The following FAS variants were observed in gnomAD, a reference collection of about 807,000 sequenced individuals.
FAS encodes tumor necrosis factor receptor superfamily member 6.
Under a neutral mutation model 33.2 loss-of-function variants are expected in FAS, and 5 were observed. The ratio of observed to expected loss-of-function variants is 0.15; its 90% CI spans 0.08 to 0.32. FAS has a LOEUF of 0.32. Among genes scored for constraint, FAS ranks in the 10% least tolerant of loss-of-function variants. The pLI is 1.00. For missense variants in FAS, 339 were observed against 386.0 expected, an observed-to-expected ratio of 0.88 and a Z score of 1.02; for synonymous variants, 131 against 130.7, an observed-to-expected ratio of 1.00 and a Z score of -0.01.
chr10:89,006,245 G>C (rs1387414275), intron 2 of FAS, among the ~76,000 whole-genome samples: 1 of 152,024 alleles, frequency 6.6e-6, no homozygotes, highest in African/African-American at 2.4e-5. Flanking sequence ...TTGGACTTGG[G>C]TTCTGTTTTC....
chr10:88,970,195 C>A (rs1003625424), intron 1 of FAS, among the ~76,000 whole-genome samples: 1 of 152,170 alleles, frequency 6.6e-6, no homozygotes, highest in African/African-American at 2.4e-5. Flanking sequence ...CCAACTTTTT[C>A]TCTACTCATA....
intron 1 of FAS, among the ~76,000 whole-genome samples, chr10:88,995,251 C>T (rs1036935325): frequency 4.6e-5 from 7 of 152,210 alleles, no homozygotes; most frequent in African/African-American, 1.2e-4. Flanking sequence ...AACAAATCTT[C>T]AGTCCACTTG....
intron 1 of FAS, among the ~76,000 whole-genome samples, chr10:88,991,851 G>A (rs1847247914): frequency 6.6e-6 from 1 of 152,156 alleles, no homozygotes; most frequent in Non-Finnish European, 1.5e-5. Flanking sequence ...GCTTGCAGAT[G>A]GCTAATCAAA....
chr10:89,014,597 T>G lies in FAS; in HGVS notation c.*147T>G. The G allele has an allele frequency of 1.2e-6, 1 of 823,252 alleles. No homozygotes were observed. Among genetic ancestry groups the G allele is most frequent in the South Asian group, 1.4e-5 (1 of 69,160 alleles). 51.0% of individuals were successfully genotyped at this position (823,252 alleles called of 1,614,324 possible). On this transcript the variant is annotated 3_prime_UTR_variant, in exon 9 of 9. Coordinates refer to ENST00000652046, the MANE Select transcript of FAS (RefSeq NM_000043.6). The stretch of plus-strand genomic sequence containing the variant: ...AAGAGCCAACATATTTGTAGATTTT[T>G]AATATCTCATGATTCTGCCTCCAAG...
intron 2 of FAS, among the ~76,000 whole-genome samples, chr10:88,975,637 G>A (rs778541822): frequency 6.6e-6 from 1 of 151,722 alleles, no homozygotes. Flanking sequence ...TTCCATGAGA[G>A]TAGGATTTTT....
upstream of FAS, among the ~76,000 whole-genome samples, chr10:88,983,755 A>G (rs528668623): frequency 1.3e-5 from 2 of 152,038 alleles, no homozygotes; most frequent in African/African-American, 4.8e-5. Flanking sequence ...TCCTTTCAAC[A>G]TATTTGTGTG....
chr10:88,982,494 T>C (rs1045926627), upstream of FAS, among the ~76,000 whole-genome samples: 4 of 152,032 alleles, frequency 2.6e-5, no homozygotes, highest in African/African-American at 7.2e-5. Flanking sequence ...AACTGTAAGA[T>C]ACATGTCCCA....
chr10:88,983,639 A>C (rs917859655), upstream of FAS, among the ~76,000 whole-genome samples: 10 of 95,116 alleles, frequency 1.1e-4, no homozygotes, highest in South Asian at 3.5e-4. Flanking sequence ...AAAAAAAAAA[A>C]CACACACACA....
chr10:89,001,180 T>C (rs1389900568), intron 1 of FAS, among the ~76,000 whole-genome samples: 2 of 152,072 alleles, frequency 1.3e-5, no homozygotes, highest in African/African-American at 4.8e-5. Context: ...GTGCTCAAAA[T>C]TGAGAATTCT....
chr10:88,998,197 A>G (rs1847711529), intron 1 of FAS, among the ~76,000 whole-genome samples: 1 of 152,154 alleles, frequency 6.6e-6, no homozygotes, highest in Non-Finnish European at 1.5e-5. Context: ...CGAGGGCAGG[A>G]TCTGTTCAGG....
chr10:88,998,761 G>T (rs941447615), intron 1 of FAS, among the ~76,000 whole-genome samples: 1 of 152,074 alleles, frequency 6.6e-6, no homozygotes, highest in Non-Finnish European at 1.5e-5. Flanking sequence ...AGTCCTTTCT[G>T]CTCTAAATTG....
chr10:88,972,555 T>C (rs929757588), intron 1 of FAS, among the ~76,000 whole-genome samples: 1 of 152,206 alleles, frequency 6.6e-6, no homozygotes, highest in Non-Finnish European at 1.5e-5. Context: ...TGTTTAATTT[T>C]TTTTCTAAAT....
chr10:89,008,137 C>G (rs959555040), intron 3 of FAS, among the ~76,000 whole-genome samples: 11 of 152,088 alleles, frequency 7.2e-5, no homozygotes, highest in African/African-American at 2.4e-4. Context: ...CCTTGACTTA[C>G]GCTTATATAA....
At chr10:88,984,328 T>C (rs1284020868), upstream of FAS, among the ~76,000 whole-genome samples, 2 of 152,094 alleles carry the variant, frequency 1.3e-5, no homozygotes, top group Non-Finnish European at 2.9e-5. Flanking sequence ...GAGGTGTTGA[T>C]CTTATGGTCC....
intron 6 of FAS, among the ~76,000 whole-genome samples, chr10:89,011,639 C>G (rs768330382): frequency 6.6e-6 from 1 of 152,168 alleles, no homozygotes; most frequent in Non-Finnish European, 1.5e-5. Context: ...TCTGGGCATC[C>G]ATAGCAAGTT....
intron 2 of FAS, among the ~76,000 whole-genome samples, chr10:88,981,196 C>A (rs4934433): frequency 0.64 from 97,180 of 152,076 alleles, 32,105 homozygotes; most frequent in Non-Finnish European, 0.72. Flanking sequence ...GCCACATACT[C>A]GCTGTGTGCA....
At chr10:88,981,007 A>G (rs1452009300) in intron 2 of FAS, among the ~76,000 whole-genome samples, 1 of 152,138 alleles carries the variant, frequency 6.6e-6, no homozygotes, top group Non-Finnish European at 1.5e-5. Flanking sequence ...ACTATGGAGG[A>G]ATAGGGTCCT....
At chr10:89,010,087 C>G (rs1193105592) in intron 4 of FAS, among the ~76,000 whole-genome samples, 1 of 152,176 alleles carries the variant, frequency 6.6e-6, no homozygotes, top group East Asian at 1.9e-4. Flanking sequence ...GTGGCAGCCT[C>G]TAAGGGCCAG....
chr10:89,002,838 A>C, intron 1 of FAS, 191 bp from the exon 2 acceptor site: 2 of 614,506 alleles, frequency 3.3e-6, no homozygotes, highest in South Asian at 3.7e-5. Context: ...GGTTTGAAGA[A>C]CCTGAGATCC....
Sources: gnomAD v4.1 joint callset for allele counts (sites outside exome capture counted in the v4.1 genomes callset) on GRCh38, gnomAD v4.1.1 for gene constraint, MANE v1.5 for transcripts, NCBI Gene and HGNC (gene_info 2026-07-23, HGNC 2026-07-21) for gene names.